Variants in PLXDC2 observed in about 807,000 individuals in gnomAD.
PLXDC2 encodes the protein plexin domain-containing protein 2.
Under a neutral mutation model 68.9 loss-of-function variants are expected in PLXDC2, and 40 were observed. The observed-to-expected ratio is 0.58, with a 90% CI of 0.45 to 0.76. PLXDC2 has a LOEUF of 0.76. PLXDC2 is among the 30% of genes least tolerant of loss of function. PLXDC2 has a pLI of 0.00. For missense variants in PLXDC2, 644 were observed against 661.9 expected (o/e 0.97, Z 0.30); for synonymous variants, 243 against 234.2 (o/e 1.04, Z -0.34).
intron 1 of PLXDC2, among the ~76,000 whole-genome samples, chr10:19,884,845 T>G (rs1199650610): frequency 5.3e-5 from 8 of 152,232 alleles, no homozygotes; most frequent in African/African-American, 1.9e-4. Flanking sequence ...CAGCATGATT[T>G]ATAGTCCTTT....
chr10:19,829,589 CGTG>C (rs1411916142), intron 1 of PLXDC2, among the ~76,000 whole-genome samples: 3 of 151,766 alleles, frequency 2.0e-5, no homozygotes, highest in African/African-American at 7.3e-5. Flanking sequence ...ATTAGCCAGA[CGTG>C]GTGGCGGGCA....
At chr10:19,996,540 C>G (rs1366782001) in intron 1 of PLXDC2, among the ~76,000 whole-genome samples, 2 of 152,128 alleles carry the variant, frequency 1.3e-5, no homozygotes, top group African/African-American at 4.8e-5. Context: ...GAGCTATGAT[C>G]GTGCCATTGC....
At chr10:19,898,274 T>C (rs560047288) in intron 1 of PLXDC2, among the ~76,000 whole-genome samples, 4 of 152,334 alleles carry the variant, frequency 2.6e-5, no homozygotes, top group African/African-American at 9.6e-5. Flanking sequence ...TGTTAAGGTT[T>C]AGAGTGCAAA....
At chr10:20,180,622 T>G (rs1355283450) in intron 9 of PLXDC2, among the ~76,000 whole-genome samples, 2 of 152,090 alleles carry the variant, frequency 1.3e-5, no homozygotes, top group Non-Finnish European at 2.9e-5. Flanking sequence ...TGATAATCGG[T>G]TGGTGGTAAT....
At chr10:19,959,692 A>C (rs529022850) in intron 1 of PLXDC2, among the ~76,000 whole-genome samples, 3 of 152,220 alleles carry the variant, frequency 2.0e-5, no homozygotes, top group Admixed American at 2.0e-4. Context: ...GGGTCTATGT[A>C]TCACTTATAA....
intron 1 of PLXDC2, among the ~76,000 whole-genome samples, chr10:19,819,349 C>T (rs1836420471): frequency 6.6e-6 from 1 of 152,022 alleles, no homozygotes; most frequent in East Asian, 1.9e-4. Context: ...TCCTGGACAT[C>T]ATTTACATGT....
At chr10:19,866,036 C>G (rs1837408988) in intron 1 of PLXDC2, among the ~76,000 whole-genome samples, 1 of 152,108 alleles carries the variant, frequency 6.6e-6, no homozygotes, top group African/African-American at 2.4e-5. Flanking sequence ...AAATAAATTA[C>G]TGGAATGGAT....
chr10:19,994,143 A>T (rs566189666), intron 1 of PLXDC2, among the ~76,000 whole-genome samples: 195 of 152,158 alleles, frequency 1.3e-3, no homozygotes, highest in Non-Finnish European at 1.9e-3. Context: ...AGAGATGATG[A>T]ACTGCAATCA....
At chr10:20,069,532 G>A (rs1359740455) in intron 4 of PLXDC2, among the ~76,000 whole-genome samples, 2 of 152,164 alleles carry the variant, frequency 1.3e-5, no homozygotes, top group African/African-American at 4.8e-5. Flanking sequence ...GGGTGCTCCT[G>A]TAGTCCCAGC....
intron 1 of PLXDC2, among the ~76,000 whole-genome samples, chr10:19,982,119 A>G (rs896640099): frequency 2.0e-5 from 3 of 152,264 alleles, no homozygotes; most frequent in African/African-American, 7.2e-5. Context: ...TACAAATGAC[A>G]AGAAACTTTC....
intron 3 of PLXDC2, among the ~76,000 whole-genome samples, chr10:20,047,530 T>G (rs951724742): frequency 6.6e-6 from 1 of 152,114 alleles, no homozygotes; most frequent in Non-Finnish European, 1.5e-5. Context: ...ATAGAAAGCA[T>G]CAGACTGATA....
chr10:20,077,713 T>A (rs1836475672), intron 4 of PLXDC2, among the ~76,000 whole-genome samples: 1 of 152,192 alleles, frequency 6.6e-6, no homozygotes, highest in Admixed American at 6.5e-5. Context: ...CAAAGCACTT[T>A]TAGATGACTC....
chr10:20,025,540 G>C (rs940099351), intron 2 of PLXDC2, among the ~76,000 whole-genome samples: 1 of 152,158 alleles, frequency 6.6e-6, no homozygotes, highest in Non-Finnish European at 1.5e-5. Context: ...GGGATTACAG[G>C]TGTGAGCCAC....
intron 1 of PLXDC2, among the ~76,000 whole-genome samples, chr10:19,939,015 CA>C (rs1288162381): frequency 1.3e-5 from 2 of 152,124 alleles, no homozygotes; most frequent in East Asian, 1.9e-4. Flanking sequence ...TTCTGAACTT[CA>C]GAGCCAGTTG....
In PLXDC2 at chr10:20,189,476, C is replaced by CATATATATATATATATAT. The variant is rs59999548; in HGVS notation, c.1061+12079_1061+12096dup. Among the ~76,000 whole-genome samples the CATATATATATATATATAT allele has an allele frequency of 8.4e-3, 637 of 75,566 alleles. 6 individuals carry two copies. The highest frequency in any genetic ancestry group is 0.01 in the South Asian group (21 of 2,032). 49.6% of individuals were successfully genotyped at this position (75,566 alleles called of 152,430 possible). ...CACACTTTTTAAAAGAAAGGTAGGC[C>CATATATATATATATATAT]ATATATATATATATATATATATATA... On this transcript the variant is annotated intron_variant, in intron 9 of 13. Coordinates refer to ENST00000377252, the MANE Select transcript of PLXDC2 (RefSeq NM_032812.9).
At chr10:20,137,132 A>G (rs1164018990) in intron 4 of PLXDC2, among the ~76,000 whole-genome samples, 1 of 152,240 alleles carries the variant, frequency 6.6e-6, no homozygotes, top group Non-Finnish European at 1.5e-5. Flanking sequence ...CTGAAGCACA[A>G]TTTTAAAGTT....
At chr10:20,166,437 G>T (rs956617562) in intron 7 of PLXDC2, among the ~76,000 whole-genome samples, 1 of 152,072 alleles carries the variant, frequency 6.6e-6, no homozygotes, top group Admixed American at 6.6e-5. Flanking sequence ...GTATGTGTAG[G>T]CAACATAAAG....
intron 2 of PLXDC2, among the ~76,000 whole-genome samples, chr10:20,008,113 C>G (rs910791157): frequency 1.3e-5 from 2 of 152,162 alleles, no homozygotes; most frequent in Non-Finnish European, 2.9e-5. Context: ...CTTATTTTTA[C>G]AAATTGTGCA....
chr10:20,185,722 A>T (rs72793901), intron 9 of PLXDC2, among the ~76,000 whole-genome samples: 1,740 of 152,110 alleles, frequency 0.011, 24 homozygotes, highest in South Asian at 0.047. Flanking sequence ...ATAAATTTAC[A>T]TGATTGTTTC....
Sources: allele counts gnomAD v4.1 joint callset (sites outside exome capture counted in the v4.1 genomes callset), GRCh38; gene constraint gnomAD v4.1.1; transcripts MANE v1.5; gene names NCBI Gene and HGNC (gene_info 2026-07-23, HGNC 2026-07-21).